Variants in CRB1 observed in about 807,000 individuals in gnomAD.
CRB1 encodes the protein crumbs cell polarity complex component 1.
In CRB1, 83 loss-of-function variants were observed where a neutral mutation model predicts 120.0. The observed-to-expected ratio is 0.69, with a 90% CI of 0.58 to 0.83. CRB1 has a LOEUF of 0.83. CRB1 is among the 40% of genes least tolerant of loss of function. The pLI is 0.00. For synonymous variants in CRB1, 625 were observed against 612.5 expected (o/e 1.02, Z -0.30); for missense variants, 1,699 against 1,687.6 (o/e 1.01, Z -0.12).
chr1:197,329,378 A>C (rs1386858290), intron 2 of CRB1, among the ~76,000 whole-genome samples: 1 of 152,188 alleles, frequency 6.6e-6, no homozygotes, highest in Non-Finnish European at 1.5e-5. Context: ...ACCTTCTGGG[A>C]AGGCAGTTTG....
intron 5 of CRB1, among the ~76,000 whole-genome samples, chr1:197,374,867 C>G (rs1661561942): frequency 1.3e-5 from 2 of 152,146 alleles, no homozygotes; most frequent in Admixed American, 6.6e-5. Flanking sequence ...GCTTGCTGCC[C>G]TATTGTCATA....
Position 197,446,725 on chromosome 1 carries a change from T to C in CRB1, c.4005+4433T>C, listed in dbSNP as rs113947667. On this transcript the variant is annotated intron_variant, in intron 11 of 11. Coordinates refer to ENST00000367400, the MANE Select transcript of CRB1 (RefSeq NM_201253.3). ...GAATTTGCACTACCATATATAGTTG[T>C]AGAGAAGATAGATTTTAAAAGTTTG... is the stretch of plus-strand genomic sequence containing the variant. Among the ~76,000 whole-genome samples, 173 of 152,280 alleles carry C rather than the reference T, an allele frequency of 1.1e-3. 1 individual carries two copies. Among genetic ancestry groups the C allele is most frequent in the African/African-American group, 4.1e-3 (171 of 41,554 alleles).
At position 197,435,391 on chromosome 1, in the gene CRB1, C is replaced by G. The variant is rs2125500753; in HGVS notation, c.3528C>G (p.Leu1176=). The change falls in exon 9 of 12, where the codon CTC becomes CTG. Residue 1176 remains leucine, a synonymous_variant. Transcript: ENST00000367400. Reference sequence around the variant, plus strand: ...GATGGTCAGGGAAACACTGTGAACTCAACATCGATGAATGCTTTTCAAACC... The same window carrying G: ...GATGGTCAGGGAAACACTGTGAACTGAACATCGATGAATGCTTTTCAAACC... ...PLGWSGKHCE[L]NIDECFSNPC... The G allele has an allele frequency of 6.2e-7, 1 of 1,608,166 alleles. No homozygotes were observed. Among genetic ancestry groups the G allele is most frequent in the Non-Finnish European group, 8.5e-7 (1 of 1,176,512 alleles).
intron 5 of CRB1, among the ~76,000 whole-genome samples, chr1:197,393,025 TAAC>T (rs1351482696): frequency 1.3e-5 from 2 of 152,026 alleles, no homozygotes; most frequent in Non-Finnish European, 1.5e-5. Context: ...TGTGCAATAA[TAAC>T]AAAATATATA....
chr1:197,284,616 G>C (rs1054180353), intron 1 of CRB1, among the ~76,000 whole-genome samples: 2 of 151,828 alleles, frequency 1.3e-5, no homozygotes, highest in African/African-American at 4.8e-5. Context: ...TTCCTCAGTT[G>C]CTGCTGCAAA....
chr1:197,404,148 A>G (rs71631897), intron 5 of CRB1, among the ~76,000 whole-genome samples: 1 of 152,206 alleles, frequency 6.6e-6, no homozygotes, highest in African/African-American at 2.4e-5. Context: ...AAGACAGAGT[A>G]TAAGAATGAC....
At chr1:197,358,285 T>C (rs959883344) in intron 5 of CRB1, among the ~76,000 whole-genome samples, 20 of 152,224 alleles carry the variant, frequency 1.3e-4, no homozygotes, top group African/African-American at 4.8e-4. Context: ...CTACTTTATA[T>C]TTTTCTTGGA....
the CRB1 span, among the ~76,000 whole-genome samples, chr1:197,242,291 CA>C: frequency 1.3e-5 from 2 of 152,270 alleles, no homozygotes; most frequent in East Asian, 3.9e-4. Context: ...GTTGCCCATT[CA>C]GTATGATATT....
chr1:197,256,863 T>C, the CRB1 span, among the ~76,000 whole-genome samples: 1 of 151,308 alleles, frequency 6.6e-6, no homozygotes. Flanking sequence ...GTCTTAGAAG[T>C]CTTTAGGGAA....
the CRB1 span, among the ~76,000 whole-genome samples, chr1:197,225,370 A>T: frequency 0.015 from 2,326 of 152,340 alleles, 42 homozygotes; most frequent in Non-Finnish European, 0.027. Context: ...TTCTGCCTAA[A>T]TTAATAGAAC....
chr1:197,333,493 A>T (rs895741158), intron 2 of CRB1, among the ~76,000 whole-genome samples: 1 of 152,250 alleles, frequency 6.6e-6, no homozygotes, highest in Non-Finnish European at 1.5e-5. Context: ...TCTCATTCAG[A>T]TGCCTGCAGT....
intron 1 of CRB1, among the ~76,000 whole-genome samples, chr1:197,316,285 C>T (rs576081417): frequency 6.6e-6 from 1 of 152,152 alleles, no homozygotes; most frequent in Non-Finnish European, 1.5e-5. Context: ...CCCGGGTTCA[C>T]ACCATTCTCC....
intron 5 of CRB1, among the ~76,000 whole-genome samples, chr1:197,414,354 A>G (rs933272805): frequency 6.6e-6 from 1 of 152,126 alleles, no homozygotes; most frequent in Non-Finnish European, 1.5e-5. Flanking sequence ...GCAAAGTGAG[A>G]ATTATGACAA....
At chr1:197,436,195 A>T (rs2125502282) in intron 9 of CRB1, among the ~76,000 whole-genome samples, 1 of 152,254 alleles carries the variant, frequency 6.6e-6, no homozygotes, top group Non-Finnish European at 1.5e-5. Flanking sequence ...CAATTAACAC[A>T]TATTTTGTAT....
chr1:197,368,122 A>C (rs1206204479), intron 5 of CRB1, among the ~76,000 whole-genome samples: 2 of 152,194 alleles, frequency 1.3e-5, no homozygotes, highest in Non-Finnish European at 2.9e-5. Context: ...TGGTACAGTC[A>C]ATATCTCCTG....
At chr1:197,232,049 AAGGT>A in the CRB1 span, among the ~76,000 whole-genome samples, 1 of 152,110 alleles carries the variant, frequency 6.6e-6, no homozygotes, top group African/African-American at 2.4e-5. Context: ...TTATAAGAGA[AAGGT>A]AGGAGGGTCA....
intron 11 of CRB1, among the ~76,000 whole-genome samples, chr1:197,476,355 T>C (rs1667193875): frequency 7.0e-6 from 1 of 142,020 alleles, no homozygotes; most frequent in Admixed American, 7.5e-5. Flanking sequence ...TAATGTATTA[T>C]GATTATTTGT....
chr1:197,254,141 G>A, the CRB1 span, among the ~76,000 whole-genome samples: 1 of 151,930 alleles, frequency 6.6e-6, no homozygotes, highest in East Asian at 1.9e-4. Flanking sequence ...TAGTTCATGG[G>A]AAGAAAGCCA....
At chr1:197,391,857 G>T (rs1023506816) in intron 5 of CRB1, among the ~76,000 whole-genome samples, 1 of 152,032 alleles carries the variant, frequency 6.6e-6, no homozygotes, top group African/African-American at 2.4e-5. Flanking sequence ...ATACAGCAGG[G>T]TGACAACTCA....
Sources: allele counts gnomAD v4.1 joint callset (sites outside exome capture counted in the v4.1 genomes callset), GRCh38; gene constraint gnomAD v4.1.1; transcripts MANE v1.5; gene names NCBI Gene and HGNC (gene_info 2026-07-23, HGNC 2026-07-21).